The following PTPN12 variants were observed in gnomAD, a reference collection of about 807,000 sequenced individuals.
PTPN12 encodes the protein protein tyrosine phosphatase non-receptor type 12, also known as tyrosine-protein phosphatase non-receptor type 12.
A neutral mutation model predicts 97.6 loss-of-function variants in PTPN12; 29 were observed. The ratio of observed to expected loss-of-function variants is 0.30; its 90% CI spans 0.22 to 0.41. The LOEUF is 0.41. Ranked by LOEUF, PTPN12 falls within the 10% of genes least tolerant of loss-of-function variation. The pLI is 1.00. For missense variants in PTPN12, 819 were observed against 926.0 expected (o/e 0.88, Z 1.50); for synonymous variants, 327 against 300.4 (o/e 1.09, Z -0.91).
intron 4 of PTPN12, 128 bp downstream of exon 4, chr7:77,583,778 A>G (rs1787599202): frequency 7.1e-6 from 4 of 564,244 alleles, no homozygotes; most frequent in Admixed American, 3.8e-5. Context: ...GCTGATGTTT[A>G]CTAAAAAGAT....
chr7:77,618,578 T>C lies in PTPN12; in HGVS notation c.1025+13T>C. 1 of 1,538,056 alleles carries C rather than the reference T, an allele frequency of 6.5e-7. No individual in the cohort carries two copies. Among genetic ancestry groups the C allele is most frequent in the South Asian group, 1.2e-5 (1 of 86,026 alleles). ...CAAGGACCCGCAGGTATTGTATGTC[T>C]TCGAACATTTTCTTTAAAAGCATAC... On this transcript the variant is annotated intron_variant, in intron 12 of 17. Transcript: ENST00000248594.
intron 7 of PTPN12, among the ~76,000 whole-genome samples, chr7:77,599,695 T>C (rs1338420223): frequency 6.6e-6 from 1 of 152,218 alleles, no homozygotes; most frequent in Non-Finnish European, 1.5e-5. Flanking sequence ...CATATCCAGA[T>C]ACTGTTACGT....
chr7:77,614,039 A>G (rs1263920749), intron 11 of PTPN12, among the ~76,000 whole-genome samples: 4 of 151,728 alleles, frequency 2.6e-5, no homozygotes, highest in South Asian at 2.1e-4. Context: ...CTATAGGCAC[A>G]TATACCACAC....
At chr7:77,590,273 T>C (rs1787823677) in intron 5 of PTPN12, among the ~76,000 whole-genome samples, 1 of 152,244 alleles carries the variant, frequency 6.6e-6, no homozygotes, top group Admixed American at 6.5e-5. Context: ...TTACTGCTCA[T>C]CTGAATGAGG....
In PTPN12 at chr7:77,625,468, G is replaced by GCGCT. The variant is rs1218191468; in HGVS notation, c.1026-1236_1026-1235insGCTC. On this transcript the variant is annotated intron_variant, in intron 12 of 17. Transcript: ENST00000248594. Reference sequence around the variant, plus strand: ...AGGGTTTTGCCATATTGCCCAGGCTGCTCGCTCTCTCTCTCTCTCTCTCTC... The same window carrying GCGCT: ...AGGGTTTTGCCATATTGCCCAGGCTGCGCTCTCGCTCTCTCTCTCTCTCTCTCTC... Among the ~76,000 whole-genome samples the GCGCT allele has an allele frequency of 1.5e-3, 37 of 24,748 alleles. 3 individuals carry two copies. Among genetic ancestry groups the GCGCT allele is most frequent in the Non-Finnish European group, 2.1e-3 (33 of 15,570 alleles). The allele number at this position is 24,748 out of a possible 152,430, so 16.2% of individuals were successfully genotyped here.
chr7:77,610,161 C>T (rs766945085), intron 9 of PTPN12, among the ~76,000 whole-genome samples: 1 of 152,330 alleles, frequency 6.6e-6, no homozygotes, highest in Admixed American at 6.5e-5. Flanking sequence ...AAAGAATTGT[C>T]TAGGTCGTTT....
chr7:77,555,208 ATTTG>A (rs1272186847), intron 1 of PTPN12, among the ~76,000 whole-genome samples: 9 of 148,096 alleles, frequency 6.1e-5, no homozygotes, highest in East Asian at 2.0e-4. Context: ...TTTTTAAACG[ATTTG>A]TTTATCTTTT....
chr7:77,635,069 T>C (rs1193987493), intron 14 of PTPN12, among the ~76,000 whole-genome samples: 4 of 151,998 alleles, frequency 2.6e-5, no homozygotes, highest in Non-Finnish European at 5.9e-5. Context: ...GGTCTTGAAC[T>C]CCTGACCTCA....
chr7:77,587,466 G>C (rs1475906448), intron 5 of PTPN12, among the ~76,000 whole-genome samples: 5 of 151,984 alleles, frequency 3.3e-5, no homozygotes, highest in African/African-American at 1.2e-4. Flanking sequence ...CTGGGGGTGG[G>C]GTTGAAAAAA....
chr7:77,621,953 T>C (rs2151387934), intron 12 of PTPN12, among the ~76,000 whole-genome samples: 1 of 152,274 alleles, frequency 6.6e-6, no homozygotes, highest in Middle Eastern at 3.4e-3. Context: ...AATATTCCAA[T>C]TCTTTCTGTT....
intron 5 of PTPN12, among the ~76,000 whole-genome samples, chr7:77,588,739 G>A (rs1276237776): frequency 6.6e-6 from 1 of 152,112 alleles, no homozygotes; most frequent in Non-Finnish European, 1.5e-5. Context: ...CAAATATTCA[G>A]TGGTGTTGTA....
chr7:77,558,063 T>G (rs1216653003), intron 1 of PTPN12, among the ~76,000 whole-genome samples: 1 of 151,500 alleles, frequency 6.6e-6, no homozygotes, highest in African/African-American at 2.4e-5. Context: ...ATAGAAAAAT[T>G]AGCTGGGCCT....
intron 3 of PTPN12, 43 bp from the exon 4 acceptor site, chr7:77,583,512 G>A (rs1264596879): frequency 1.7e-6 from 2 of 1,207,502 alleles, no homozygotes; most frequent in East Asian, 4.7e-5. Context: ...AAATATTTTT[G>A]GTAATCAAAA....
At chr7:77,541,516 C>T (rs974655131) in intron 1 of PTPN12, among the ~76,000 whole-genome samples, 1 of 152,136 alleles carries the variant, frequency 6.6e-6, no homozygotes, top group African/African-American at 2.4e-5. Context: ...TGACATTTTT[C>T]ACTGTTGCAT....
At chr7:77,552,860 G>A (rs998761040) in intron 1 of PTPN12, among the ~76,000 whole-genome samples, 5 of 152,108 alleles carry the variant, frequency 3.3e-5, no homozygotes, top group Non-Finnish European at 5.9e-5. Flanking sequence ...CTTCTTTATC[G>A]TTAAAACAGA....
rs958506386 is a variant in PTPN12 at position 77,618,333 on chromosome 7, A to G, written c.940-147A>G. 2.7e-5 allele frequency: 14 copies of G among 520,274 alleles called. No individual in the cohort carries two copies. The Admixed American group carries it at 5.0e-4, about 19-fold the overall frequency. The allele number at this position is 520,274 out of a possible 1,614,324, so 32.2% of individuals were successfully genotyped here. A position where few individuals can be genotyped will look rare whatever the true frequency, so the allele number is the denominator to read the frequency against. On this transcript the variant is annotated intron_variant, in intron 11 of 17. Coordinates refer to ENST00000248594, the MANE Select transcript of PTPN12 (RefSeq NM_002835.4). ...AGTCTGGTCCTTCAGGCTAAAATAT[A>G]GAGCCAGAATATAAGACTTTTTTTT...
intron 1 of PTPN12, among the ~76,000 whole-genome samples, chr7:77,567,277 C>T (rs752622866): frequency 2.0e-5 from 3 of 150,550 alleles, no homozygotes; most frequent in East Asian, 1.9e-4. Flanking sequence ...TATTGTTTAA[C>T]AGGGCAAATT....
intron 16 of PTPN12, among the ~76,000 whole-genome samples, chr7:77,638,022 A>G: frequency 8.6e-6 from 1 of 116,958 alleles, no homozygotes; most frequent in African/African-American, 3.4e-5. Flanking sequence ...CAGTGGCGCG[A>G]TCTCGGCTCA....
Position 77,629,862 on chromosome 7 carries a change from G to A in PTPN12, c.1996+2187G>A, listed in dbSNP as rs577043943. Among the ~76,000 whole-genome samples the A allele has an allele frequency of 4.0e-5, 6 of 150,766 alleles. No individual in the cohort carries two copies. In the South Asian group the frequency reaches 1.3e-3, roughly 31 times the overall value. ...AGGCTGAGGTAGGAAGATCACTTGA[G>A]CCTAGGAGCTCAAGGCTGCAGTGAG... is the stretch of plus-strand genomic sequence containing the variant. On this transcript the variant is annotated intron_variant, in intron 13 of 17. Coordinates refer to ENST00000248594, the MANE Select transcript of PTPN12 (RefSeq NM_002835.4).
Sources: allele counts gnomAD v4.1 joint callset (sites outside exome capture counted in the v4.1 genomes callset), GRCh38; gene constraint gnomAD v4.1.1; transcripts MANE v1.5; gene names NCBI Gene and HGNC (gene_info 2026-07-23, HGNC 2026-07-21).